Variants in ABCD2 observed in about 807,000 individuals in gnomAD.
The protein encoded by ABCD2 is ATP binding cassette subfamily D member 2.
Under a neutral mutation model 70.9 loss-of-function variants are expected in ABCD2, and 36 were observed. The ratio of observed to expected loss-of-function variants is 0.51; its 90% CI spans 0.39 to 0.67. The LOEUF is 0.67. ABCD2 is among the 30% of genes least tolerant of loss of function. The pLI is 0.00. For missense variants in ABCD2, 729 were observed against 890.2 expected (o/e 0.82, Z 2.30); for synonymous variants, 304 against 306.9 (o/e 0.99, Z 0.10).
chr12:39,557,187 A>G (rs1227535072), intron 9 of ABCD2, among the ~76,000 whole-genome samples: 2 of 152,182 alleles, frequency 1.3e-5, no homozygotes, highest in Non-Finnish European at 2.9e-5. Flanking sequence ...TCAGATGAAG[A>G]TGAGAATCTT....
At chr12:39,602,587 T>C (rs755508743) in intron 5 of ABCD2, among the ~76,000 whole-genome samples, 10 of 152,232 alleles carry the variant, frequency 6.6e-5, no homozygotes, top group Non-Finnish European at 1.5e-4. Context: ...AAATATAATT[T>C]TCTGTCTGAG....
chr12:39,539,490 G>A, the ABCD2 span: 1 of 156,326 alleles, frequency 6.4e-6, no homozygotes, highest in East Asian at 1.6e-4. Flanking sequence ...ATATCTTAAA[G>A]CTGGGGCAGT....
the ABCD2 span, among the ~76,000 whole-genome samples, chr12:39,533,374 C>T: frequency 6.6e-6 from 1 of 152,136 alleles, no homozygotes; most frequent in South Asian, 2.1e-4. Context: ...CAATCCATTT[C>T]CTCAAAAGAG....
At chr12:39,605,109 C>A (rs1941952406) in intron 3 of ABCD2, among the ~76,000 whole-genome samples, 179 bp from the exon 4 acceptor site, 1 of 151,936 alleles carries the variant, frequency 6.6e-6, no homozygotes, top group Non-Finnish European at 1.5e-5. Flanking sequence ...CACTATAACA[C>A]AATAATATGT....
intron 9 of ABCD2, among the ~76,000 whole-genome samples, chr12:39,566,349 T>G (rs187530625): frequency 5.6e-4 from 85 of 152,348 alleles, no homozygotes; most frequent in African/African-American, 1.9e-3. Flanking sequence ...CTTCCTGGTT[T>G]AGTCTTGGGA....
chr12:39,600,836 G>T (rs192136873), intron 5 of ABCD2, 120 bp from the exon 6 acceptor site: 3 of 843,314 alleles, frequency 3.6e-6, no homozygotes, highest in Non-Finnish European at 5.4e-6. Context: ...TTGGGCAAAA[G>T]ATCAAGGAAA....
chr12:39,547,401 A>T (rs1941035870), downstream of ABCD2, among the ~76,000 whole-genome samples: 1 of 152,190 alleles, frequency 6.6e-6, no homozygotes, highest in South Asian at 2.1e-4. Flanking sequence ...CACTATTCAC[A>T]ATAGCCAAGA....
chr12:39,567,156 G>A (rs920761371), intron 9 of ABCD2, among the ~76,000 whole-genome samples: 5 of 152,276 alleles, frequency 3.3e-5, no homozygotes, highest in South Asian at 2.1e-4. Flanking sequence ...TCTGCTTGGT[G>A]CAGAGCTGAG....
At chr12:39,585,964 G>A (rs1941659379) in intron 7 of ABCD2, among the ~76,000 whole-genome samples, 188 bp downstream of exon 7, 1 of 151,988 alleles carries the variant, frequency 6.6e-6, no homozygotes, top group South Asian at 2.1e-4. Context: ...TTAGTGTGTT[G>A]CATTAAACAC....
rs751730305 is a variant in ABCD2, at chr12:39,557,462, C to T, written c.2004-3331G>A. 4.6e-5 allele frequency among the ~76,000 whole-genome samples: 7 copies of T among 152,168 alleles called. No individual in the cohort carries two copies. The East Asian group carries it at 9.6e-4, about 21-fold the overall frequency. ...AAAGTTTAGAAAATTTACAGCCTGG[C>T]GATGCAATGGAAAAGAAAAACCCCT... On this transcript the variant is annotated intron_variant, in intron 9 of 9. Coordinates refer to ENST00000308666, the MANE Select transcript of ABCD2 (RefSeq NM_005164.4).
the ABCD2 span, among the ~76,000 whole-genome samples, chr12:39,540,350 G>T: frequency 5.0e-3 from 754 of 152,176 alleles, 7 homozygotes; most frequent in African/African-American, 0.017. Flanking sequence ...TCATCAGATG[G>T]GTTTTATTTA....
intron 1 of ABCD2, among the ~76,000 whole-genome samples, chr12:39,618,193 T>C (rs994164542): frequency 2.0e-5 from 3 of 152,094 alleles, no homozygotes; most frequent in Admixed American, 2.0e-4. Flanking sequence ...ACATGCAAAA[T>C]TGTTAAAAAT....
intron 9 of ABCD2, among the ~76,000 whole-genome samples, chr12:39,566,881 G>T (rs1347340302): frequency 2.0e-5 from 3 of 152,224 alleles, no homozygotes; most frequent in East Asian, 3.9e-4. Context: ...CCTTCATTTT[G>T]TTATGTACCC....
chr12:39,542,134 T>C, the ABCD2 span, among the ~76,000 whole-genome samples: 1 of 152,156 alleles, frequency 6.6e-6, no homozygotes, highest in African/African-American at 2.4e-5. Context: ...TTTTCATATA[T>C]GTGTAATATA....
chr12:39,572,589 A>G (rs897163659), intron 9 of ABCD2, among the ~76,000 whole-genome samples: 27 of 152,324 alleles, frequency 1.8e-4, no homozygotes, highest in African/African-American at 6.5e-4. Context: ...AGAATTTTGA[A>G]CAATAAAAGC....
At chr12:39,564,480 G>C (rs1555216565) in intron 9 of ABCD2, among the ~76,000 whole-genome samples, 1 of 151,982 alleles carries the variant, frequency 6.6e-6, no homozygotes, top group Non-Finnish European at 1.5e-5. Flanking sequence ...GGGGTTGTTT[G>C]TTTTTTTCTT....
rs57513108 is a variant in ABCD2 at position 39,603,844 on chromosome 12, C to T, written c.1500+68G>A. The T allele has an allele frequency of 7.5e-3, 8,817 of 1,176,746 alleles. 491 individuals are homozygous for T. The African/African-American group carries it at 0.12, about 16-fold the overall frequency. 72.9% of individuals were successfully genotyped at this position (1,176,746 alleles called of 1,614,324 possible). On this transcript the variant is annotated intron_variant, in intron 5 of 9. Transcript: ENST00000308666. Reference sequence around the variant, plus strand: ...TCCTCCAAGTATTTAACATAAGGTACATGAATTCTGAGTTGTTTTGTATTA... The same window carrying T: ...TCCTCCAAGTATTTAACATAAGGTATATGAATTCTGAGTTGTTTTGTATTA...
chr12:39,537,807 C>T, the ABCD2 span, among the ~76,000 whole-genome samples: 2 of 152,190 alleles, frequency 1.3e-5, no homozygotes, highest in African/African-American at 4.8e-5. Flanking sequence ...AGACCAGATC[C>T]AGAGCTGACC....
At position 39,552,079 on chromosome 12, in the gene ABCD2, C is replaced by T. The variant is rs533631867; in HGVS notation, c.*1833G>A. ...AAAAAAATCTTTAATTCCTGCCTCA[C>T]TTTTCTAACAGGAAATATTAGTAAC... is the stretch of plus-strand genomic sequence containing the variant. On this transcript the variant is annotated 3_prime_UTR_variant, in exon 10 of 10. Transcript: ENST00000308666. 8.6e-5 allele frequency: 13 copies of T among 151,902 alleles called. No homozygotes were observed. The highest frequency in any genetic ancestry group is 2.9e-4 in the African/African-American group (12 of 41,512). 9.4% of individuals were successfully genotyped at this position (151,902 alleles called of 1,614,324 possible). A position where few individuals can be genotyped will look rare whatever the true frequency, so the allele number is the denominator to read the frequency against.
Sources: gnomAD v4.1 joint callset for allele counts (sites outside exome capture counted in the v4.1 genomes callset) on GRCh38, gnomAD v4.1.1 for gene constraint, MANE v1.5 for transcripts, NCBI Gene and HGNC (gene_info 2026-07-23, HGNC 2026-07-21) for gene names.